Variants in OSBPL3 observed in about 807,000 individuals in gnomAD.
The protein encoded by OSBPL3 is oxysterol binding protein like 3.
In OSBPL3, 65 loss-of-function variants were observed where a neutral mutation model predicts 120.1. The ratio of observed to expected loss-of-function variants is 0.54; its 90% CI spans 0.44 to 0.67. The LOEUF (loss-of-function observed/expected upper bound fraction) is 0.67. Among genes scored for constraint, OSBPL3 ranks in the 30% least tolerant of loss-of-function variants. The pLI is 0.00. For missense variants in OSBPL3, 1,004 were observed against 1,082.1 expected, an observed-to-expected ratio of 0.93 and a Z score of 1.01; for synonymous variants, 416 against 402.6, an observed-to-expected ratio of 1.03 and a Z score of -0.40.
At chr7:24,897,950 G>A (rs1200766818) in intron 1 of OSBPL3, among the ~76,000 whole-genome samples, 2 of 152,158 alleles carry the variant, frequency 1.3e-5, no homozygotes, top group East Asian at 3.8e-4. Flanking sequence ...CTTTCATGAA[G>A]GCCAGATGGC....
Position 24,952,309 on chromosome 7 carries a change from T to A in OSBPL3, c.-150+27577A>T, listed in dbSNP as rs1814537168. 6.6e-6 allele frequency among the ~76,000 whole-genome samples: 1 copy of A among 152,236 alleles called. No homozygotes were observed. Among genetic ancestry groups the A allele is most frequent in the Admixed American group, 6.5e-5 (1 of 15,284 alleles). On this transcript the variant is annotated intron_variant, in intron 1 of 22. Coordinates refer to ENST00000313367, the MANE Select transcript of OSBPL3 (RefSeq NM_015550.4). This position sits in a 1 kb window ranked among gnomAD's most constrained non-coding sequence, Gnocchi z 4.4. ...GCACAACATAAATAGTCCAACTTTTTATTTTAAGGACAGAGAAACTGAGGC... is the reference window on the plus strand; with the variant it reads ...GCACAACATAAATAGTCCAACTTTTAATTTTAAGGACAGAGAAACTGAGGC...
chr7:24,980,252 CAGGGGCGGGGCCCCG>C (rs1818153912), upstream of OSBPL3: 1 of 158,436 alleles, frequency 6.3e-6, no homozygotes, highest in Non-Finnish European at 1.4e-5. Flanking sequence ...CTGAGAGGCC[CAGGGGCGGGGCCCCG>C]AGGGGGCGGG....
intron 12 of OSBPL3, among the ~76,000 whole-genome samples, chr7:24,846,519 C>A (rs939243230): frequency 6.6e-6 from 1 of 152,124 alleles, no homozygotes; most frequent in Non-Finnish European, 1.5e-5. Flanking sequence ...AAAGTTTTGG[C>A]CTTTTTTAGT....
rs747659686 is a variant in OSBPL3, at chr7:24,892,414, C to T, written c.59G>A (p.Ser20Asn). The T allele has an allele frequency of 1.9e-6, 3 of 1,613,474 alleles. No individual in the cohort carries two copies. The highest frequency in any genetic ancestry group is 2.2e-5 in the South Asian group (2 of 91,016). ...VSQKLVSPSR[S>N]TSSCSSKQGS... ...TTGCTTGGAAGAGCAGCTACTTGTGCTCCTTGAAGGTGATACCAATTTTTG... is the reference window on the plus strand; with the variant it reads ...TTGCTTGGAAGAGCAGCTACTTGTGTTCCTTGAAGGTGATACCAATTTTTG... Residue 20 changes from serine (S) to asparagine (N), a missense_variant, in exon 2 of 23, where the codon AGC (serine) becomes AAC (asparagine). Transcript: ENST00000313367.
rs762615461 is a variant in OSBPL3 at position 24,891,461 on chromosome 7, A to G, written c.96+916T>C. On this transcript the variant is annotated intron_variant, in intron 2 of 22. Coordinates refer to ENST00000313367, the MANE Select transcript of OSBPL3 (RefSeq NM_015550.4). The surrounding 1 kb of genome is among the most constrained non-coding windows in gnomAD (Gnocchi z 4.1). ...GGGAGTTGCTTAATTGCTGCTTCCAATTCTGGAACCAAAGACTCTGGGTGA... is the reference window on the plus strand; with the variant it reads ...GGGAGTTGCTTAATTGCTGCTTCCAGTTCTGGAACCAAAGACTCTGGGTGA... Among the ~76,000 whole-genome samples, 5 of 152,182 alleles carry G rather than the reference A, an allele frequency of 3.3e-5. No homozygotes were observed. The highest frequency in any genetic ancestry group is 5.9e-5 in the Non-Finnish European group (4 of 68,024).
At chr7:24,839,260 T>C (rs912797279) in intron 14 of OSBPL3, among the ~76,000 whole-genome samples, 2 of 152,296 alleles carry the variant, frequency 1.3e-5, no homozygotes, top group East Asian at 3.9e-4. Flanking sequence ...CCAAGACTGA[T>C]AAGTGCTTGA....
At chr7:24,901,480 A>G (rs921907560) in intron 1 of OSBPL3, among the ~76,000 whole-genome samples, 1 of 152,240 alleles carries the variant, frequency 6.6e-6, no homozygotes, top group African/African-American at 2.4e-5. Context: ...GTCAACACAT[A>G]TGTACCTGTC....
chr7:24,843,090 A>G (rs1321106542), intron 12 of OSBPL3, among the ~76,000 whole-genome samples: 1 of 152,134 alleles, frequency 6.6e-6, no homozygotes. Context: ...ATGACCCTCC[A>G]TTCTCCACTC....
intron 1 of OSBPL3, among the ~76,000 whole-genome samples, chr7:24,915,518 G>A (rs1164631015): frequency 6.8e-6 from 1 of 147,506 alleles, no homozygotes; most frequent in South Asian, 2.2e-4. Context: ...CAAGGAATAT[G>A]GCACCCAAAA....
upstream of OSBPL3, among the ~76,000 whole-genome samples, chr7:24,981,140 G>T (rs1423838697): frequency 6.6e-6 from 1 of 152,168 alleles, no homozygotes; most frequent in Non-Finnish European, 1.5e-5. The surrounding 1 kb of genome is among the most constrained non-coding windows in gnomAD (Gnocchi z 7.3). Context: ...AGACAATAAA[G>T]AAGAGAAAAT....
At chr7:24,826,356 G>C (rs893735759) in intron 16 of OSBPL3, among the ~76,000 whole-genome samples, 4 of 152,160 alleles carry the variant, frequency 2.6e-5, no homozygotes, top group African/African-American at 9.7e-5. Flanking sequence ...ACTCCTGATC[G>C]GTCCTCTTTC....
Position 24,804,168 on chromosome 7 carries a change from A to C in OSBPL3, c.2567+147T>G, listed in dbSNP as rs1365783909. 2.2e-6 allele frequency: 2 copies of C among 901,972 alleles called. No homozygotes were observed. Among genetic ancestry groups the C allele is most frequent in the East Asian group, 2.4e-5 (1 of 41,356 alleles). The allele number at this position is 901,972 out of a possible 1,614,324, so 55.9% of individuals were successfully genotyped here. The stretch of plus-strand genomic sequence containing the variant: ...GTAAGTGCGGGGGACAGGGCCTGGC[A>C]CAGAGGAGCAGTACCCCCACGTGGA... On this transcript the variant is annotated intron_variant, in intron 22 of 22. Transcript: ENST00000313367. This position sits in a 1 kb window ranked among gnomAD's most constrained non-coding sequence, Gnocchi z 5.4.
rs532464367 is a variant in OSBPL3 at position 24,833,332 on chromosome 7, C to T, written c.1746+1154G>A. 2.6e-5 allele frequency among the ~76,000 whole-genome samples: 4 copies of T among 152,298 alleles called. No homozygotes were observed. Among genetic ancestry groups the T allele is most frequent in the Admixed American group, 6.5e-5 (1 of 15,302 alleles). ...GCAGTGAGGTAGGACTGCACCGCTG[C>T]ACTCCAGCCTGGGTGACAAAGACCC... On this transcript the variant is annotated intron_variant, in intron 15 of 22. Transcript: ENST00000313367. The surrounding 1 kb of genome is among the most constrained non-coding windows in gnomAD (Gnocchi z 4.4).
intron 1 of OSBPL3, among the ~76,000 whole-genome samples, chr7:24,962,555 G>C (rs1053499037): frequency 4.6e-5 from 7 of 152,058 alleles, no homozygotes; most frequent in Non-Finnish European, 1.0e-4. Flanking sequence ...AGCTGGTTCA[G>C]GATTAGGCAC....
At chr7:24,958,351 T>C (rs1434452740) in intron 1 of OSBPL3, among the ~76,000 whole-genome samples, 4 of 152,174 alleles carry the variant, frequency 2.6e-5, no homozygotes, top group African/African-American at 9.6e-5. Flanking sequence ...TGATAGTCTC[T>C]CTTTGAATAT....
At chr7:24,838,712 G>A (rs1797321656) in intron 14 of OSBPL3, among the ~76,000 whole-genome samples, 1 of 152,156 alleles carries the variant, frequency 6.6e-6, no homozygotes. Context: ...TCAAAGAAAT[G>A]GAGGACTTCC....
At chr7:24,935,407 A>T (rs1812290815) in intron 1 of OSBPL3, among the ~76,000 whole-genome samples, 1 of 152,174 alleles carries the variant, frequency 6.6e-6, no homozygotes, top group African/African-American at 2.4e-5. Context: ...GTATGTGTAT[A>T]TATGTATTGT....
intron 1 of OSBPL3, among the ~76,000 whole-genome samples, chr7:24,935,201 G>A (rs1456870580): frequency 2.6e-5 from 4 of 152,082 alleles, no homozygotes; most frequent in Non-Finnish European, 5.9e-5. Context: ...ACAAGAAGTT[G>A]CAAAAATACT....
Position 24,863,742 on chromosome 7 carries a change from T to C in OSBPL3, c.674-143A>G. The C allele has an allele frequency of 1.6e-6, 1 of 612,742 alleles. No individual in the cohort carries two copies. 38.0% of individuals were successfully genotyped at this position (612,742 alleles called of 1,614,324 possible). ...TAAGGGTTGGAAATTTTACTTCCTT[T>C]TTTACAGGAAAGGCTGTAGACTCTA... On this transcript the variant is annotated intron_variant, in intron 7 of 22. Coordinates refer to ENST00000313367, the MANE Select transcript of OSBPL3 (RefSeq NM_015550.4). This position sits in a 1 kb window ranked among gnomAD's most constrained non-coding sequence, Gnocchi z 5.8.
Sources: gnomAD v4.1 joint callset for allele counts (sites outside exome capture counted in the v4.1 genomes callset) on GRCh38, gnomAD v4.1.1 for gene constraint, Gnocchi (gnomAD v3.1) non-coding constraint, MANE v1.5 for transcripts, NCBI Gene and HGNC (gene_info 2026-07-23, HGNC 2026-07-21) for gene names.